The following PLA2G6 variants were observed in gnomAD, a reference collection of about 807,000 sequenced individuals.
PLA2G6 encodes the protein 85/88 kDa calcium-independent phospholipase A2.
A neutral mutation model predicts 83.8 loss-of-function variants in PLA2G6; 62 were observed. The ratio of observed to expected loss-of-function variants is 0.74; its 90% CI spans 0.60 to 0.91. The LOEUF (loss-of-function observed/expected upper bound fraction) is 0.91, where lower values mean the gene tolerates loss of function less well. PLA2G6 is among the 40% of genes least tolerant of loss of function. The probability of loss-of-function intolerance (pLI) is 0.00; values close to 1 mark genes in which losing one functional copy is unlikely to be tolerated. For synonymous variants in PLA2G6, 417 were observed against 449.8 expected (o/e 0.93, Z 0.92); for missense variants, 944 against 1,102.0 (o/e 0.86, Z 2.03).
chr22:38,173,333 T>A (rs2090508352), intron 1 of PLA2G6, among the ~76,000 whole-genome samples: 1 of 151,996 alleles, frequency 6.6e-6, no homozygotes, highest in African/African-American at 2.4e-5. Context: ...CCTCCTTACC[T>A]GGGCTTCTCC....
intron 2 of PLA2G6, among the ~76,000 whole-genome samples, chr22:38,152,119 G>A (rs2089589131): frequency 6.6e-6 from 1 of 152,186 alleles, no homozygotes; most frequent in African/African-American, 2.4e-5. Context: ...GGTCATAGGG[G>A]TGGATCCCTC....
rs1175689296 is a variant in PLA2G6 at position 38,128,435 on chromosome 22, T to C, written c.1187-5A>G. 3 of 1,613,918 alleles carry C rather than the reference T, an allele frequency of 1.9e-6. No individual in the cohort carries two copies. Among genetic ancestry groups the C allele is most frequent in the Non-Finnish European group, 2.5e-6 (3 of 1,179,950 alleles). ...AGATCGCCTTCCTGGTGACAACTTG[T>C]CATGGTTTGGGGAAGGGGAGATGGC... is the stretch of plus-strand genomic sequence containing the variant. On this transcript the variant is annotated splice_region_variant and splice_polypyrimidine_tract_variant and intron_variant, in intron 8 of 16. Coordinates refer to ENST00000332509, the MANE Select transcript of PLA2G6 (RefSeq NM_003560.4). The surrounding 1 kb of genome is among the most constrained non-coding windows in gnomAD (Gnocchi z 4.4).
intron 4 of PLA2G6, chr22:38,141,516 A>G (rs2088900402): frequency 6.6e-6 from 1 of 152,328 alleles, no homozygotes. Flanking sequence ...CAGGAAGAGC[A>G]AAGGGCTGGC....
At chr22:38,141,468 G>C (rs960200791) in intron 4 of PLA2G6, 6 of 152,358 alleles carry the variant, frequency 3.9e-5, no homozygotes, top group Admixed American at 3.9e-4. Context: ...TCACCTCACA[G>C]CAGTCCCACT....
Position 38,145,733 on chromosome 22 carries a change from G to T in PLA2G6, c.210-80C>A, listed in dbSNP as rs767784533. On this transcript the variant is annotated intron_variant, in intron 2 of 16. Coordinates refer to ENST00000332509, the MANE Select transcript of PLA2G6 (RefSeq NM_003560.4). The stretch of plus-strand genomic sequence containing the variant: ...GCCCACATCCCTGCTGGAATCAGAA[G>T]GTCCCCAGGCTGCGGCCTGGCCAGC... 1.1e-4 allele frequency: 108 copies of T among 950,922 alleles called. 1 individual carries two copies. The highest frequency in any genetic ancestry group is 1.4e-4 in the Non-Finnish European group (89 of 626,556). The allele number at this position is 950,922 out of a possible 1,614,324, so 58.9% of individuals were successfully genotyped here.
chr22:38,159,271 A>G (rs1234919056), intron 2 of PLA2G6, among the ~76,000 whole-genome samples: 1 of 152,170 alleles, frequency 6.6e-6, no homozygotes, highest in Non-Finnish European at 1.5e-5. Context: ...ACTTCGATAA[A>G]ATAGAAAAAT....
chr22:38,143,378 G>C, intron 3 of PLA2G6, 90 bp from the exon 4 acceptor site: 1 of 1,233,144 alleles, frequency 8.1e-7, no homozygotes, highest in Non-Finnish European at 1.2e-6. Flanking sequence ...AAGTGCACTC[G>C]GAAACTCGGA....
chr22:38,134,655 C>T, intron 6 of PLA2G6: 1 of 341,340 alleles, frequency 2.9e-6, no homozygotes. Flanking sequence ...ACTAATAATA[C>T]AATCATCATC....
chr22:38,143,859 C>A (rs2089071621), intron 3 of PLA2G6: 2 of 207,960 alleles, frequency 9.6e-6, no homozygotes, highest in South Asian at 1.7e-4. Flanking sequence ...TCTCCTGCCT[C>A]AGCCTCCCGA....
At chr22:38,167,240 A>AAAG (rs1226377055) in intron 2 of PLA2G6, among the ~76,000 whole-genome samples, 6 of 151,822 alleles carry the variant, frequency 4.0e-5, no homozygotes, top group Admixed American at 6.6e-5. Flanking sequence ...AAAAAAAAAA[A>AAAG]AAAGAAAACA....
At chr22:38,121,842 G>C (rs2087545139) in intron 11 of PLA2G6, among the ~76,000 whole-genome samples, 1 of 152,212 alleles carries the variant, frequency 6.6e-6, no homozygotes, top group Non-Finnish European at 1.5e-5. Flanking sequence ...TGGAAGACCA[G>C]AGAGGGGATG....
rs143952414 is a variant in PLA2G6, at chr22:38,126,263, C to T, written c.1427+108G>A. On this transcript the variant is annotated intron_variant, in intron 10 of 16. Transcript: ENST00000332509. ...AAGACTAGGAGCAGAGCCACTTCGCCGGCTGTGAGGGTGCAGAGAGTAAAG... is the reference window on the plus strand; with the variant it reads ...AAGACTAGGAGCAGAGCCACTTCGCTGGCTGTGAGGGTGCAGAGAGTAAAG... 127 of 832,458 alleles carry T rather than the reference C, an allele frequency of 1.5e-4. No homozygotes were observed. The East Asian group carries it at 1.9e-3, about 12-fold the overall frequency. 51.6% of individuals were successfully genotyped at this position (832,458 alleles called of 1,614,324 possible).
chr22:38,131,277 G>C (rs1449828616), intron 7 of PLA2G6: 3 of 152,084 alleles, frequency 2.0e-5, no homozygotes, highest in Non-Finnish European at 4.4e-5. Flanking sequence ...TGACCATCTT[G>C]GCCTCCCAAA....
At position 38,128,444 on chromosome 22, in the gene PLA2G6, G is replaced by A. The variant is rs192386192; in HGVS notation, c.1187-14C>T. ...TCCTGGTGACAACTTGTCATGGTTT[G>A]GGGAAGGGGAGATGGCACAGGATCA... is the stretch of plus-strand genomic sequence containing the variant. On this transcript the variant is annotated splice_polypyrimidine_tract_variant and intron_variant, in intron 8 of 16. Transcript: ENST00000332509. This position sits in a 1 kb window ranked among gnomAD's most constrained non-coding sequence, Gnocchi z 4.4. The A allele has an allele frequency of 3.5e-4, 569 of 1,613,822 alleles. 2 individuals carry two copies. The highest frequency in any genetic ancestry group is 1.1e-5 in the Non-Finnish European group (13 of 1,179,874).
chr22:38,148,144 C>T (rs867154317), intron 2 of PLA2G6: 8 of 260,132 alleles, frequency 3.1e-5, no homozygotes, highest in Non-Finnish European at 5.3e-5. Context: ...GAGGCATGCA[C>T]GACCTTGACA....
rs534889747 is a variant in PLA2G6 at position 38,128,118 on chromosome 22, G to C, written c.1348+151C>G. ...AGGCCTCTGGGATCTGTGGGTTGCTGGCTGCCTAGAGGCTGACAACTCCGG... is the reference window on the plus strand; with the variant it reads ...AGGCCTCTGGGATCTGTGGGTTGCTCGCTGCCTAGAGGCTGACAACTCCGG... On this transcript the variant is annotated intron_variant, in intron 9 of 16. Coordinates refer to ENST00000332509, the MANE Select transcript of PLA2G6 (RefSeq NM_003560.4). The surrounding 1 kb of genome is among the most constrained non-coding windows in gnomAD (Gnocchi z 4.4). 1.6e-5 allele frequency: 12 copies of C among 752,018 alleles called. No individual in the cohort carries two copies. In the African/African-American group the frequency reaches 1.9e-4, roughly 12 times the overall value. 46.6% of individuals were successfully genotyped at this position (752,018 alleles called of 1,614,324 possible).
intron 9 of PLA2G6, chr22:38,127,167 CAG>C (rs1309845997): frequency 8.5e-6 from 10 of 1,171,886 alleles, no homozygotes; most frequent in African/African-American, 1.6e-5. Flanking sequence ...CACCACTGTG[CAG>C]AGTCTAGAAG....
Position 38,111,793 on chromosome 22 carries a change from C to G in PLA2G6, c.*368G>C. The G allele has an allele frequency of 5.6e-6, 2 of 358,108 alleles. No homozygotes were observed. The highest frequency in any genetic ancestry group is 1.1e-5 in the Non-Finnish European group (2 of 184,010). 22.2% of individuals were successfully genotyped at this position (358,108 alleles called of 1,614,324 possible). On this transcript the variant is annotated 3_prime_UTR_variant, in exon 17 of 17. Coordinates refer to ENST00000332509, the MANE Select transcript of PLA2G6 (RefSeq NM_003560.4). The stretch of plus-strand genomic sequence containing the variant: ...AGCCTGGGAGTGCCCTTGCTGGGGG[C>G]TGGGGCAGAGGCAGCCCGGCAGGCC...
intron 10 of PLA2G6, among the ~76,000 whole-genome samples, chr22:38,124,720 C>T (rs1216401514): frequency 6.6e-6 from 1 of 152,208 alleles, no homozygotes; most frequent in East Asian, 1.9e-4. Context: ...CTGGGCAGCG[C>T]TGTGTGTCAA....
Sources: gnomAD v4.1 joint callset for allele counts (sites outside exome capture counted in the v4.1 genomes callset) on GRCh38, gnomAD v4.1.1 for gene constraint, Gnocchi (gnomAD v3.1) non-coding constraint, MANE v1.5 for transcripts, NCBI Gene and HGNC (gene_info 2026-07-23, HGNC 2026-07-21) for gene names.